Variants in HERC2 observed in about 807,000 individuals in gnomAD.
HERC2 encodes E3 ubiquitin-protein ligase HERC2.
A neutral mutation model predicts 537.7 loss-of-function variants in HERC2; 102 were observed. The observed-to-expected ratio is 0.19, with a 90% CI of 0.16 to 0.22. HERC2 has a LOEUF of 0.22. HERC2 is among the 10% of genes least tolerant of loss of function. The pLI, the probability that HERC2 is intolerant of heterozygous loss-of-function variation, is 1.00. For synonymous variants in HERC2, 2,224 were observed against 2,466.2 expected, an observed-to-expected ratio of 0.90 and a Z score of 2.91; for missense variants, 4,236 against 6,198.2, an observed-to-expected ratio of 0.68 and a Z score of 10.63.
At chr15:28,294,725 C>A (rs1158576317) in intron 3 of HERC2, among the ~76,000 whole-genome samples, 1 of 151,962 alleles carries the variant, frequency 6.6e-6, no homozygotes. Flanking sequence ...CCTCCCACAG[C>A]CCCTCGTGGT....
At chr15:28,282,568 T>C (rs576870029) in intron 4 of HERC2, among the ~76,000 whole-genome samples, 1 of 152,138 alleles carries the variant, frequency 6.6e-6, no homozygotes, top group South Asian at 2.1e-4. Flanking sequence ...AGCAGTAGAA[T>C]GGAGGAAAAA....
chr15:28,191,921 G>A (rs377314955), intron 53 of HERC2, 40 bp downstream of exon 53: 87 of 1,560,586 alleles, frequency 5.6e-5, no homozygotes, highest in Admixed American at 7.0e-5. Context: ...CAAAACCATC[G>A]GTGTGAAAGT....
Position 28,113,037 on chromosome 15 carries a change from A to G in HERC2, c.14232+34T>C, listed in dbSNP as rs1338511233. On this transcript the variant is annotated intron_variant, in intron 92 of 92. Coordinates refer to ENST00000261609, the MANE Select transcript of HERC2 (RefSeq NM_004667.6). The surrounding 1 kb of genome is among the most constrained non-coding windows in gnomAD (Gnocchi z 7.0). ...CAGCCACCCACCGTCGGCCGACATCAGCCCAGGGCCGGCAAGCCCAGCCAG... is the reference window on the plus strand; with the variant it reads ...CAGCCACCCACCGTCGGCCGACATCGGCCCAGGGCCGGCAAGCCCAGCCAG... 6.3e-7 allele frequency: 1 copy of G among 1,589,420 alleles called. No individual in the cohort carries two copies. The highest frequency in any genetic ancestry group is 8.6e-7 in the Non-Finnish European group (1 of 1,162,194).
chr15:28,182,305 T>C (rs1436272046), intron 57 of HERC2, 96 bp downstream of exon 57: 2 of 717,668 alleles, frequency 2.8e-6, no homozygotes, highest in African/African-American at 3.5e-5. Context: ...AAAGAAACAA[T>C]ACAACATATA....
chr15:28,201,116 C>T (rs549840416), intron 48 of HERC2, among the ~76,000 whole-genome samples: 11 of 150,882 alleles, frequency 7.3e-5, no homozygotes, highest in African/African-American at 1.7e-4. Flanking sequence ...CTGGCTACAC[C>T]GGGGCAGCCA....
Position 28,245,546 on chromosome 15 carries a change from CAAA to C in HERC2, c.3577+332_3577+334del, listed in dbSNP as rs552182472. Among the ~76,000 whole-genome samples, 621 of 106,984 alleles carry C rather than the reference CAAA, an allele frequency of 5.8e-3. 7 individuals carry two copies. Among genetic ancestry groups the C allele is most frequent in the African/African-American group, 0.02 (588 of 30,098 alleles). The allele number at this position is 106,984 out of a possible 152,430, so 70.2% of individuals were successfully genotyped here. A position where few individuals can be genotyped will look rare whatever the true frequency, so the allele number is the denominator to read the frequency against. On this transcript the variant is annotated intron_variant, in intron 23 of 92. Coordinates refer to ENST00000261609, the MANE Select transcript of HERC2 (RefSeq NM_004667.6). ...TGGGCAACAGAGCAAGATGTAGTGTCAAAAAAAAAAAAAAATATATACACACAC... is the reference window on the plus strand; with the variant it reads ...TGGGCAACAGAGCAAGATGTAGTGTCAAAAAAAAAAAATATATACACACAC...
intron 4 of HERC2, among the ~76,000 whole-genome samples, chr15:28,282,037 C>T (rs898999614): frequency 6.6e-6 from 1 of 152,174 alleles, no homozygotes; most frequent in Non-Finnish European, 1.5e-5. Context: ...CAGTCATGTA[C>T]ACTCTGAAAC....
chr15:28,213,744 G>A lies in HERC2; in HGVS notation c.6784C>T (p.Pro2262Ser), dbSNP rs755450717. The A allele has an allele frequency of 1.2e-6, 2 of 1,612,112 alleles. No individual in the cohort carries two copies. Among genetic ancestry groups the A allele is most frequent in the Admixed American group, 1.7e-5 (1 of 60,016 alleles). ...TAACTAAGCACAAGTTCACCTACTG[G>A]TTTCAGCTGATTCAATGGGCAAACG... ...CRVCPLNQLK[P>S]LPAVAFNVNN... The change falls in exon 42 of 93, where the codon CCA becomes TCA. Residue 2262 changes from proline to serine, a missense_variant and splice_region_variant. Physicochemically the swap from Pro to Ser is moderately conservative, Grantham distance 74. This residue lies in a region of HERC2 where 67 missense variants were observed against 140.1 expected (regional missense o/e 0.48). Transcript: ENST00000261609.
intron 81 of HERC2, 53 bp downstream of exon 81, chr15:28,132,041 CTGGGGG>C: frequency 7.6e-7 from 1 of 1,309,526 alleles, no homozygotes; most frequent in Non-Finnish European, 9.8e-7. Flanking sequence ...CAGAGGGGCC[CTGGGGG>C]CCCGACTGCG....
At position 28,257,109 on chromosome 15, in the gene HERC2, C is replaced by G. The variant is rs1177595741; in HGVS notation, c.2469G>C (p.Gln823His). ...MDGSADWPPP[Q>H]EKECVAVATL... is the part of the protein sequence containing the mutation. ...TTGCCACGGCCACACACTCTTTCTC[C>G]TGGGGCGGGGGCCAGTCCGCGGAAC... is the stretch of plus-strand genomic sequence containing the variant. Residue 823 changes from glutamine to histidine, a missense_variant, in exon 17 of 93, where the codon CAG (glutamine) becomes CAC (histidine). Gln to His is a conservative substitution (Grantham distance 24). Around this residue, in one of 27 missense-constraint regions of HERC2, gnomAD observed 754 missense variants for 1,085.0 expected, o/e 0.69. Transcript: ENST00000261609. 6.2e-7 allele frequency: 1 copy of G among 1,613,798 alleles called. No individual in the cohort carries two copies. The highest frequency in any genetic ancestry group is 1.3e-5 in the African/African-American group (1 of 74,910).
rs2075658563 is a variant in HERC2 at position 28,269,387 on chromosome 15, T to C, written c.1307A>G (p.Tyr436Cys). Residue 436 changes from tyrosine to cysteine, a missense_variant, in exon 11 of 93, where the codon TAT (tyrosine) becomes TGT (cysteine). Physicochemically the swap from Tyr to Cys is radical, Grantham distance 194. This residue lies in a region of HERC2 where 491 missense variants were observed against 559.3 expected (regional missense o/e 0.88). Coordinates refer to ENST00000261609, the MANE Select transcript of HERC2 (RefSeq NM_004667.6). ...CTGGATTGGACCAATCACATTGGCA[T>C]AGTATTTCCATCCTATTAACCCCCA... ...IGWGLIGWKY[Y>C]ANVIGPIQCE... is the part of the protein sequence containing the mutation. 1 of 1,614,234 alleles carries C rather than the reference T, an allele frequency of 6.2e-7. No individual in the cohort carries two copies. The highest frequency in any genetic ancestry group is 8.5e-7 in the Non-Finnish European group (1 of 1,180,034).
chr15:28,291,308 G>A (rs1033447371), intron 4 of HERC2, among the ~76,000 whole-genome samples: 6 of 151,974 alleles, frequency 3.9e-5, no homozygotes, highest in Non-Finnish European at 7.4e-5. Context: ...CACTGCAGCC[G>A]CAAACTGCTG....
chr15:28,232,487 T>A (rs1347449969), intron 30 of HERC2, among the ~76,000 whole-genome samples: 3 of 151,670 alleles, frequency 2.0e-5, no homozygotes, highest in Admixed American at 6.6e-5. Flanking sequence ...AGGCGGAGGT[T>A]GCAGTGAGCT....
At position 28,113,858 on chromosome 15, in the gene HERC2, C is replaced by G. The variant is rs1887926751; in HGVS notation, c.13914-180G>C. On this transcript the variant is annotated intron_variant, in intron 90 of 92. Transcript: ENST00000261609. The surrounding 1 kb of genome is among the most constrained non-coding windows in gnomAD (Gnocchi z 7.0). ...CGGCACTGCAGAGCTTCTCCTGACACTGGGCTCATCTCGTCCAGCCGACAG... is the reference window on the plus strand; with the variant it reads ...CGGCACTGCAGAGCTTCTCCTGACAGTGGGCTCATCTCGTCCAGCCGACAG... 7 of 628,866 alleles carry G rather than the reference C, an allele frequency of 1.1e-5. No homozygotes were observed. Among genetic ancestry groups the G allele is most frequent in the Non-Finnish European group, 1.4e-5 (5 of 347,630 alleles). The allele number at this position is 628,866 out of a possible 1,614,324, so 39.0% of individuals were successfully genotyped here.
intron 86 of HERC2, chr15:28,118,287 G>A (rs1566910642): frequency 6.5e-6 from 1 of 153,102 alleles, no homozygotes; most frequent in South Asian, 2.1e-4. Flanking sequence ...GCTCCCCGAA[G>A]CCCACGGGGC....
At chr15:28,152,939 A>T in intron 69 of HERC2, 109 bp from the exon 70 acceptor site, 1 of 1,096,370 alleles carries the variant, frequency 9.1e-7, no homozygotes, top group Non-Finnish European at 1.3e-6. Context: ...ACAGCGTGGC[A>T]GAGTGGAGGG....
At position 28,169,601 on chromosome 15, in the gene HERC2, C is replaced by A; in HGVS notation, c.10112G>T (p.Ser3371Ile). ...AGAAGGGCGATTTGGCTTAGAATTA[C>A]TTGCACCACTTATTTTATTACTGGC... ...SAASNKISGA[S>I]NSKPNRPSLA... The change falls in exon 66 of 93, where the codon AGT (serine) becomes ATT (isoleucine). Residue 3371 changes from serine to isoleucine, a missense_variant. Physicochemically the swap from Ser to Ile is moderately radical, Grantham distance 142. Around this residue, in one of 27 missense-constraint regions of HERC2, gnomAD observed 356 missense variants for 450.9 expected, o/e 0.79. Transcript: ENST00000261609. 6.2e-7 allele frequency: 1 copy of A among 1,613,982 alleles called. No individual in the cohort carries two copies. The highest frequency in any genetic ancestry group is 8.5e-7 in the Non-Finnish European group (1 of 1,180,000).
Position 28,158,101 on chromosome 15 carries a change from C to T in HERC2, c.10746+4993G>A, listed in dbSNP as rs533385754. Among the ~76,000 whole-genome samples, 3 of 152,256 alleles carry T rather than the reference C, an allele frequency of 2.0e-5. No individual in the cohort carries two copies. In the East Asian group the frequency reaches 5.8e-4, roughly 29 times the overall value. ...TTTGATGGCACTATGGTCTGAGAGA[C>T]AGTTTGTTATAATTTCTGTTATTTT... On this transcript the variant is annotated intron_variant, in intron 69 of 92. Coordinates refer to ENST00000261609, the MANE Select transcript of HERC2 (RefSeq NM_004667.6).
chr15:28,265,870 G>A lies in HERC2; in HGVS notation c.1703C>T (p.Ala568Val), dbSNP rs773865370. The change falls in exon 13 of 93, where the codon GCC becomes GTC. Residue 568 changes from alanine (A) to valine (V), a missense_variant. By Grantham distance (64) the Ala-to-Val change is moderately conservative. This residue lies in a region of HERC2 where 754 missense variants were observed against 1,085.0 expected (regional missense o/e 0.69). Coordinates refer to ENST00000261609, the MANE Select transcript of HERC2 (RefSeq NM_004667.6). The surrounding 1 kb of genome is among the most constrained non-coding windows in gnomAD (Gnocchi z 4.0). ...GCCCCAGGTGTACAGCTCCCCCTCGGCAGTGATGGCCGCACTGTAAGTGCT... is the reference window on the plus strand; with the variant it reads ...GCCCCAGGTGTACAGCTCCCCCTCGACAGTGATGGCCGCACTGTAAGTGCT... ...CGSTYSAAIT[A>V]EGELYTWGRG... 47 of 1,614,144 alleles carry A rather than the reference G, an allele frequency of 2.9e-5. No individual in the cohort carries two copies. The highest frequency in any genetic ancestry group is 3.6e-5 in the Non-Finnish European group (43 of 1,180,042).
Sources: allele counts gnomAD v4.1 joint callset (sites outside exome capture counted in the v4.1 genomes callset), GRCh38; gene constraint gnomAD v4.1.1; regional missense constraint gnomAD v4.1.1; non-coding constraint Gnocchi (gnomAD v3.1); transcripts MANE v1.5; gene names NCBI Gene and HGNC (gene_info 2026-07-23, HGNC 2026-07-21).